The following IFFO2 variants were observed in gnomAD, a reference collection of about 807,000 sequenced individuals.
IFFO2 encodes the protein intermediate filament family orphan 2.
In IFFO2, 19 loss-of-function variants were observed where a neutral mutation model predicts 53.5. That is an observed-to-expected ratio of 0.36 (90% CI 0.25 to 0.52). IFFO2 has a LOEUF of 0.52. Ranked by LOEUF, IFFO2 falls within the 20% of genes least tolerant of loss-of-function variation. The pLI is 0.94. For missense variants in IFFO2, 570 were observed against 727.4 expected (o/e 0.78, Z 2.49); for synonymous variants, 303 against 313.6 (o/e 0.97, Z 0.36).
At chr1:18,951,218 T>C (rs1202765156) in intron 1 of IFFO2, among the ~76,000 whole-genome samples, 1 of 152,132 alleles carries the variant, frequency 6.6e-6, no homozygotes, top group Admixed American at 6.5e-5. Context: ...GTGGGCAACA[T>C]GGGTCAAATC....
intron 1 of IFFO2, among the ~76,000 whole-genome samples, chr1:18,932,349 C>T (rs1174241384): frequency 6.6e-6 from 1 of 152,232 alleles, no homozygotes; most frequent in African/African-American, 2.4e-5. Context: ...TTCTTTCTGG[C>T]TCCACTGCGC....
rs75738528 is a variant in IFFO2 at position 18,950,339 on chromosome 1, C to T, written c.665+5329G>A. Among the ~76,000 whole-genome samples the T allele has an allele frequency of 4.7e-3, 717 of 152,306 alleles. 1 individual carries two copies. The highest frequency in any genetic ancestry group is 8.3e-3 in the Non-Finnish European group (565 of 68,020). On this transcript the variant is annotated intron_variant, in intron 1 of 8. Coordinates refer to ENST00000455833, the MANE Select transcript of IFFO2 (RefSeq NM_001136265.2). ...AATCCTTGTAAATTAAAGGAACAGACTTTGCCAGGGGAAGGGGGCTGGGCT... is the reference window on the plus strand; with the variant it reads ...AATCCTTGTAAATTAAAGGAACAGATTTTGCCAGGGGAAGGGGGCTGGGCT...
chr1:18,937,452 C>A (rs1180086303), intron 1 of IFFO2, among the ~76,000 whole-genome samples: 3 of 152,178 alleles, frequency 2.0e-5, no homozygotes, highest in Admixed American at 1.3e-4. Flanking sequence ...CTGATGTGAA[C>A]CACTGGGGAG....
chr1:18,911,369 G>A lies in IFFO2; in HGVS notation c.1317+15C>T, dbSNP rs141409290. The A allele has an allele frequency of 6.0e-5, 85 of 1,416,568 alleles. No individual in the cohort carries two copies. The East Asian group carries it at 6.8e-4, about 11-fold the overall frequency. The allele number at this position is 1,416,568 out of a possible 1,614,324, so 87.7% of individuals were successfully genotyped here. On this transcript the variant is annotated intron_variant, in intron 7 of 8. Coordinates refer to ENST00000455833, the MANE Select transcript of IFFO2 (RefSeq NM_001136265.2). The stretch of plus-strand genomic sequence containing the variant: ...GGAGAGCCTCACGAGTGGGCTCCAC[G>A]TCCCGAGCCCTCACCTCGATCTGAC...
chr1:18,919,755 C>T lies in IFFO2; in HGVS notation c.745G>A (p.Ala249Thr). 6.4e-7 allele frequency: 1 copy of T among 1,551,514 alleles called. No homozygotes were observed. The highest frequency in any genetic ancestry group is 1.4e-5 in the African/African-American group (1 of 73,154). Reference sequence around the variant, plus strand: ...TTCTCATTCATCTCCTCCTGGATGGCATCAGCCTCCTGTGCTGCCTGCGGG... The same window carrying T: ...TTCTCATTCATCTCCTCCTGGATGGTATCAGCCTCCTGTGCTGCCTGCGGG... Reference protein sequence around the residue: ...TLQEAAQEADAIQEEMNEKIE... With the variant: ...TLQEAAQEADTIQEEMNEKIE... The change falls in exon 3 of 9, where the codon GCC becomes ACC. Residue 249 changes from alanine (A) to threonine (T), a missense_variant. Physicochemically the swap from Ala to Thr is moderately conservative, Grantham distance 58 (BLOSUM62 0). Coordinates refer to ENST00000455833, the MANE Select transcript of IFFO2 (RefSeq NM_001136265.2). The surrounding 1 kb of genome is among the most constrained non-coding windows in gnomAD (Gnocchi z 4.9).
At chr1:18,954,249 A>C (rs1381247334) in intron 1 of IFFO2, among the ~76,000 whole-genome samples, 1 of 152,234 alleles carries the variant, frequency 6.6e-6, no homozygotes, top group Non-Finnish European at 1.5e-5. Flanking sequence ...ATCATCTTTA[A>C]TAACACCAGC....
intron 1 of IFFO2, among the ~76,000 whole-genome samples, chr1:18,933,431 G>A (rs1247355218): frequency 6.6e-6 from 1 of 152,232 alleles, no homozygotes; most frequent in Non-Finnish European, 1.5e-5. Flanking sequence ...GTGGGTGGCT[G>A]GGGATTATGG....
At chr1:18,911,287 C>G (rs1052309991) in intron 7 of IFFO2, 97 bp downstream of exon 7, 3 of 559,008 alleles carry the variant, frequency 5.4e-6, no homozygotes, top group Non-Finnish European at 8.7e-6. Flanking sequence ...ACTCTACCAG[C>G]CCCTGCCCAT....
In IFFO2 at chr1:18,918,557, G is replaced by T. The variant is rs547030551; in HGVS notation, c.823-55C>A. ...GCGAGGGATGGAGCAAGCCTGGGGG[G>T]CTTGGCAGAGAGGTGGGGAGACCCC... On this transcript the variant is annotated intron_variant, in intron 3 of 8. Transcript: ENST00000455833. The surrounding 1 kb of genome is among the most constrained non-coding windows in gnomAD (Gnocchi z 5.2). 2.6e-6 allele frequency: 4 copies of T among 1,537,506 alleles called. No homozygotes were observed. In the African/African-American group the frequency reaches 4.1e-5, roughly 16 times the overall value.
intron 1 of IFFO2, among the ~76,000 whole-genome samples, chr1:18,923,741 A>G (rs1192381468): frequency 1.3e-5 from 2 of 152,152 alleles, no homozygotes; most frequent in Non-Finnish European, 2.9e-5. Context: ...GTGCATACCA[A>G]TCACCTGGGC....
chr1:18,956,208 AC>A lies in IFFO2; in HGVS notation c.124del (p.Val42Ter). 1 of 1,408,044 alleles carries A rather than the reference AC, an allele frequency of 7.1e-7. No individual in the cohort carries two copies. The highest frequency in any genetic ancestry group is 9.4e-7 in the Non-Finnish European group (1 of 1,062,580). 87.2% of individuals were successfully genotyped at this position (1,408,044 alleles called of 1,614,324 possible). On this transcript the variant is annotated frameshift_variant, in exon 1 of 9. Transcript: ENST00000455833. LOFTEE classifies it high-confidence loss of function. This position sits in a 1 kb window ranked among gnomAD's most constrained non-coding sequence, Gnocchi z 6.4. ...GGGAGPGPSPVTAALRDDLGS... is the reference protein window; with the variant it reads ...GGGAGPGPSPXTAALRDDLGS... The stretch of plus-strand genomic sequence containing the variant: ...CAGGTCGTCCCGCAGCGCCGCCGTC[AC>A]CGGCGACGGACCCGGCCCTGCCCCG...
chr1:18,912,102 A>C lies in IFFO2; in HGVS notation c.1104-19T>G, dbSNP rs1427224326. Reference sequence around the variant, plus strand: ...CTCCCGCCTGTGGGGGTGACACCAGAGGGCATGACTGAACAGAAGGCAGGC... The same window carrying C: ...CTCCCGCCTGTGGGGGTGACACCAGCGGGCATGACTGAACAGAAGGCAGGC... On this transcript the variant is annotated intron_variant, in intron 5 of 8. Coordinates refer to ENST00000455833, the MANE Select transcript of IFFO2 (RefSeq NM_001136265.2). The C allele has an allele frequency of 1.9e-6, 3 of 1,551,362 alleles. No homozygotes were observed. Among genetic ancestry groups the C allele is most frequent in the Non-Finnish European group, 2.6e-6 (3 of 1,146,762 alleles).
At position 18,918,459 on chromosome 1, in the gene IFFO2, T is replaced by C; in HGVS notation, c.866A>G (p.Lys289Arg). Residue 289 changes from lysine to arginine, a missense_variant, in exon 4 of 9, where the codon AAG becomes AGG. Lys to Arg is a conservative substitution (Grantham distance 26). Coordinates refer to ENST00000455833, the MANE Select transcript of IFFO2 (RefSeq NM_001136265.2). The surrounding 1 kb of genome is among the most constrained non-coding windows in gnomAD (Gnocchi z 5.2). ...LDTKIQEKAM[K>R]VDMDICRRID... is the part of the protein sequence containing the mutation. ...TCGGCGGCAGATGTCCATGTCCACC[T>C]TCATGGCCTTTTCTTGGATCTTTGT... 1 of 1,561,286 alleles carries C rather than the reference T, an allele frequency of 6.4e-7. No individual in the cohort carries two copies. Among genetic ancestry groups the C allele is most frequent in the Non-Finnish European group, 8.7e-7 (1 of 1,152,280 alleles).
chr1:18,911,441 G>C lies in IFFO2; in HGVS notation c.1260C>G (p.Thr420=), dbSNP rs113635249. 6.6e-7 allele frequency: 1 copy of C among 1,517,548 alleles called. No homozygotes were observed. The highest frequency in any genetic ancestry group is 8.8e-7 in the Non-Finnish European group (1 of 1,131,944). The allele number at this position is 1,517,548 out of a possible 1,614,324, so 94.0% of individuals were successfully genotyped here. ...EENLGNLIHE[T]ESFFKTRDKE... is the part of the protein sequence containing the mutation. ...TGTCTCTCGTCTTGAAGAAGGATTC[G>C]GTCTCATGGATCAAGTTGCCCAAGT... Residue 420 remains threonine (T), a synonymous_variant, in exon 7 of 9, where the codon ACC becomes ACG. Coordinates refer to ENST00000455833, the MANE Select transcript of IFFO2 (RefSeq NM_001136265.2).
At position 18,916,984 on chromosome 1, in the gene IFFO2, T is replaced by C; in HGVS notation, c.1022A>G (p.Asp341Gly). 1.3e-6 allele frequency: 2 copies of C among 1,552,202 alleles called. No individual in the cohort carries two copies. Among genetic ancestry groups the C allele is most frequent in the Non-Finnish European group, 1.7e-6 (2 of 1,147,104 alleles). ...GTCCGAGAACCGGTTCACCTCCCCG[T>C]CCTGCTCAGAGATGTCATCATCGGA... ...VASDDDISEQDGEVNRFSDDE... is the reference protein window; with the variant it reads ...VASDDDISEQGGEVNRFSDDE... Residue 341 changes from aspartate (D) to glycine (G), a missense_variant, in exon 5 of 9, where the codon GAC (aspartate) becomes GGC (glycine). By Grantham distance (94) the Asp-to-Gly change is moderately conservative. Transcript: ENST00000455833. The surrounding 1 kb of genome is among the most constrained non-coding windows in gnomAD (Gnocchi z 4.3).
chr1:18,917,191 G>A lies in IFFO2; in HGVS notation c.964-149C>T. The A allele has an allele frequency of 1.1e-6, 1 of 869,656 alleles. No homozygotes were observed. 53.9% of individuals were successfully genotyped at this position (869,656 alleles called of 1,614,324 possible). On this transcript the variant is annotated intron_variant, in intron 4 of 8. Coordinates refer to ENST00000455833, the MANE Select transcript of IFFO2 (RefSeq NM_001136265.2). This position sits in a 1 kb window ranked among gnomAD's most constrained non-coding sequence, Gnocchi z 5.9. ...AGGAAAGGTGCAGGTCCTCTAAGAA[G>A]CAGGCGGCGTTAGCAGGAAGCGCGA...
chr1:18,937,313 G>A (rs941630536), intron 1 of IFFO2, among the ~76,000 whole-genome samples: 49 of 152,216 alleles, frequency 3.2e-4, no homozygotes, highest in African/African-American at 1.1e-3. Context: ...AGGTTCCAGC[G>A]CAGCTGAGGC....
chr1:18,951,484 C>G (rs867559136), intron 1 of IFFO2, among the ~76,000 whole-genome samples: 2 of 152,254 alleles, frequency 1.3e-5, no homozygotes, highest in African/African-American at 4.8e-5. Flanking sequence ...GCAAATCACA[C>G]TAGGCCTGAG....
chr1:18,911,619 A>G (rs1213306113), intron 6 of IFFO2, 143 bp from the exon 7 acceptor site: 2 of 402,758 alleles, frequency 5.0e-6, no homozygotes, highest in Non-Finnish European at 8.2e-6. Flanking sequence ...GCTCACTACA[A>G]CCTCTGCCTC....
Sources: allele counts gnomAD v4.1 joint callset (sites outside exome capture counted in the v4.1 genomes callset), GRCh38; gene constraint gnomAD v4.1.1; non-coding constraint Gnocchi (gnomAD v3.1); transcripts MANE v1.5; gene names NCBI Gene and HGNC (gene_info 2026-07-23, HGNC 2026-07-21).